SLAMF6: variants seen among roughly 807,000 people sequenced by gnomAD.
The protein encoded by SLAMF6 is NK-T-B-antigen.
Under a neutral mutation model 38.3 loss-of-function variants are expected in SLAMF6, and 21 were observed. That is an observed-to-expected ratio of 0.55 (90% CI 0.39 to 0.79). The LOEUF (loss-of-function observed/expected upper bound fraction) is 0.79. Ranked by LOEUF, SLAMF6 falls within the 30% of genes least tolerant of loss-of-function variation. SLAMF6 has a pLI of 0.00. For synonymous variants in SLAMF6, 152 were observed against 146.3 expected (o/e 1.04, Z -0.28); for missense variants, 341 against 385.3 (o/e 0.89, Z 0.96).
chr1:160,506,291 A>T (rs1654186396), intron 1 of SLAMF6, among the ~76,000 whole-genome samples: 1 of 152,198 alleles, frequency 6.6e-6, no homozygotes, highest in Admixed American at 6.5e-5. Context: ...AGTCATGTAC[A>T]AGTCATGCTC....
intron 1 of SLAMF6, among the ~76,000 whole-genome samples, chr1:160,520,262 T>C (rs1053901289): frequency 1.2e-4 from 18 of 152,170 alleles, no homozygotes; most frequent in Admixed American, 5.2e-4. Context: ...TTGCTTTACT[T>C]ACATTTCCAA....
intron 5 of SLAMF6, among the ~76,000 whole-genome samples, chr1:160,489,544 G>A (rs1227107454): frequency 3.9e-5 from 6 of 152,176 alleles, no homozygotes; most frequent in Non-Finnish European, 2.9e-5. Context: ...ATATTATTAA[G>A]CTTTTCAGAG....
Position 160,486,472 on chromosome 1 carries a change from G to T in SLAMF6, c.*235C>A. Reference sequence around the variant, plus strand: ...TGGTGTGTTATCTTTAGCATGTTTTGGCCTGAAGTGGATTGGAAAATATTA... The same window carrying T: ...TGGTGTGTTATCTTTAGCATGTTTTTGCCTGAAGTGGATTGGAAAATATTA... On this transcript the variant is annotated 3_prime_UTR_variant, in exon 8 of 8. Coordinates refer to ENST00000368057, the MANE Select transcript of SLAMF6 (RefSeq NM_001184714.2). 1 of 489,552 alleles carries T rather than the reference G, an allele frequency of 2.0e-6. No individual in the cohort carries two copies. Among genetic ancestry groups the T allele is most frequent in the Non-Finnish European group, 3.7e-6 (1 of 271,220 alleles). 30.3% of individuals were successfully genotyped at this position (489,552 alleles called of 1,614,324 possible).
At chr1:160,502,145 C>T (rs371630388) in intron 1 of SLAMF6, among the ~76,000 whole-genome samples, 4 of 152,246 alleles carry the variant, frequency 2.6e-5, no homozygotes, top group South Asian at 2.1e-4. Context: ...TGGGAGCATC[C>T]GGGACCAGCA....
intron 1 of SLAMF6, among the ~76,000 whole-genome samples, chr1:160,505,244 T>G (rs1292320033): frequency 6.6e-6 from 1 of 152,152 alleles, no homozygotes; most frequent in Non-Finnish European, 1.5e-5. Flanking sequence ...AGAGTCTGAT[T>G]TCCAGAGTTA....
chr1:160,491,105 G>T lies in SLAMF6; in HGVS notation c.646+20C>A. 6.2e-7 allele frequency: 1 copy of T among 1,612,462 alleles called. No homozygotes were observed. The highest frequency in any genetic ancestry group is 8.5e-7 in the Non-Finnish European group (1 of 1,179,560). ...ACCCCATAGCTGCTCAAGGCTCTCA[G>T]ACCTGAGGCAGGCTGTTACCTTCGC... On this transcript the variant is annotated intron_variant, in intron 3 of 7. Coordinates refer to ENST00000368057, the MANE Select transcript of SLAMF6 (RefSeq NM_001184714.2).
intron 2 of SLAMF6, among the ~76,000 whole-genome samples, chr1:160,492,254 A>G (rs1174372644): frequency 1.3e-5 from 2 of 152,210 alleles, no homozygotes; most frequent in African/African-American, 4.8e-5. Context: ...AATGACTCCA[A>G]TTCTCTGATT....
At chr1:160,489,003 G>C (rs769165874) in intron 6 of SLAMF6, 85 bp downstream of exon 6, 1 of 1,281,396 alleles carries the variant, frequency 7.8e-7, no homozygotes. Context: ...GTGGTCATTT[G>C]TTCAGTCAGA....
chr1:160,492,384 C>T (rs1431618428), intron 2 of SLAMF6, among the ~76,000 whole-genome samples: 2 of 152,068 alleles, frequency 1.3e-5, no homozygotes, highest in Non-Finnish European at 2.9e-5. Context: ...GAGTCAAGAC[C>T]TGAATTTTGT....
At chr1:160,501,704 T>A (rs532170596) in intron 1 of SLAMF6, among the ~76,000 whole-genome samples, 1,622 of 151,924 alleles carry the variant, frequency 0.011, 31 homozygotes, top group African/African-American at 0.037. Context: ...CTTGCTTTTT[T>A]TTTTTTTTTG....
intron 1 of SLAMF6, among the ~76,000 whole-genome samples, chr1:160,496,812 C>T (rs976818182): frequency 1.3e-5 from 2 of 152,200 alleles, no homozygotes; most frequent in Admixed American, 1.3e-4. Flanking sequence ...TGATTACTTA[C>T]TGTGTGTCCA....
chr1:160,509,808 C>T (rs912728414), intron 1 of SLAMF6, among the ~76,000 whole-genome samples: 1 of 151,784 alleles, frequency 6.6e-6, no homozygotes, highest in African/African-American at 2.4e-5. Context: ...TCAATGAAAC[C>T]AAAAGTTGGT....
In SLAMF6 at chr1:160,490,203, C is replaced by T; in HGVS notation, c.791G>A (p.Gly264Asp). 1 of 1,613,742 alleles carries T rather than the reference C, an allele frequency of 6.2e-7. No homozygotes were observed. Among genetic ancestry groups the T allele is most frequent in the East Asian group, 2.2e-5 (1 of 44,884 alleles). Residue 264 changes from glycine to aspartate, a missense_variant, in exon 5 of 8, where the codon GGC becomes GAC. Physicochemically the swap from Gly to Asp is moderately conservative, Grantham distance 94. Coordinates refer to ENST00000368057, the MANE Select transcript of SLAMF6 (RefSeq NM_001184714.2). Reference protein sequence around the residue: ...SLSLSTQRTQGPAESARNLEY... With the variant: ...SLSLSTQRTQDPAESARNLEY... ...TTAAGAGTCTGAATGCTCACCGGGG[C>T]CCTGTGTTCGCTGAGTAGACAAAGA...
chr1:160,503,033 G>A (rs866366266), intron 1 of SLAMF6, among the ~76,000 whole-genome samples: 4 of 152,182 alleles, frequency 2.6e-5, no homozygotes, highest in East Asian at 3.8e-4. Context: ...TTTCTGAGGA[G>A]GAAGCCAGGG....
At chr1:160,522,759 A>G (rs11265420) in intron 1 of SLAMF6, among the ~76,000 whole-genome samples, 2,385 of 152,274 alleles carry the variant, frequency 0.016, 74 homozygotes, top group African/African-American at 0.054. Flanking sequence ...AGGAAGGATA[A>G]GTAACCTCCC....
chr1:160,506,758 G>A (rs976445821), intron 1 of SLAMF6, among the ~76,000 whole-genome samples: 8 of 152,254 alleles, frequency 5.3e-5, no homozygotes, highest in South Asian at 4.1e-4. Flanking sequence ...TTACAACAAC[G>A]TAAAGGCAGC....
chr1:160,511,255 G>A (rs1423154341), intron 1 of SLAMF6, among the ~76,000 whole-genome samples: 1 of 151,998 alleles, frequency 6.6e-6, no homozygotes, highest in Non-Finnish European at 1.5e-5. Context: ...GATGCCCCAA[G>A]TAGCCAAAAC....
At chr1:160,516,214 A>C (rs1372526593) in intron 1 of SLAMF6, among the ~76,000 whole-genome samples, 1 of 152,218 alleles carries the variant, frequency 6.6e-6, no homozygotes, top group East Asian at 1.9e-4. Context: ...ACACACAGGC[A>C]AGCAGAGAAC....
At chr1:160,496,997 G>C (rs1001853205) in intron 1 of SLAMF6, among the ~76,000 whole-genome samples, 1 of 152,094 alleles carries the variant, frequency 6.6e-6, no homozygotes, top group Non-Finnish European at 1.5e-5. Context: ...CTACAGAAAA[G>C]TTAACTAATT....
Sources: gnomAD v4.1 joint callset for allele counts (sites outside exome capture counted in the v4.1 genomes callset) on GRCh38, gnomAD v4.1.1 for gene constraint, MANE v1.5 for transcripts, NCBI Gene and HGNC (gene_info 2026-07-23, HGNC 2026-07-21) for gene names.